MCM6: variants seen among roughly 807,000 people sequenced by gnomAD.
The protein encoded by MCM6 is minichromosome maintenance complex component 6.
A neutral mutation model predicts 94.3 loss-of-function variants in MCM6; 46 were observed. That is an observed-to-expected ratio of 0.49 (90% CI 0.39 to 0.62). The LOEUF (loss-of-function observed/expected upper bound fraction) is 0.62. MCM6 is among the 20% of genes least tolerant of loss of function. The pLI, the probability that MCM6 is intolerant of heterozygous loss-of-function variation, is 0.00. For missense variants in MCM6, 865 were observed against 1,017.9 expected (o/e 0.85, Z 2.04); for synonymous variants, 335 against 351.9 (o/e 0.95, Z 0.54).
At chr2:135,875,216 T>C (rs1039311579) in intron 1 of MCM6, among the ~76,000 whole-genome samples, 3 of 152,086 alleles carry the variant, frequency 2.0e-5, no homozygotes, top group South Asian at 2.1e-4. Context: ...AATACCAAAT[T>C]AGCCGGGCGT....
At chr2:135,853,347 G>C (rs1679811381) in intron 11 of MCM6, among the ~76,000 whole-genome samples, 1 of 152,178 alleles carries the variant, frequency 6.6e-6, no homozygotes, top group African/African-American at 2.4e-5. Flanking sequence ...AGGTGGCTGA[G>C]GCAGGAGGAT....
intron 3 of MCM6, among the ~76,000 whole-genome samples, chr2:135,869,749 C>T (rs1375297403): frequency 3.3e-5 from 5 of 152,030 alleles, no homozygotes; most frequent in Non-Finnish European, 7.4e-5. Context: ...ATATTTTCTC[C>T]CTTGATCAAT....
intron 10 of MCM6, 106 bp downstream of exon 10, chr2:135,857,791 C>A: frequency 1.2e-6 from 1 of 847,488 alleles, no homozygotes; most frequent in Non-Finnish European, 2.0e-6. Flanking sequence ...TAATGAACAG[C>A]ATTACACACT....
intron 4 of MCM6, among the ~76,000 whole-genome samples, chr2:135,867,526 AT>A (rs1440484801): frequency 6.6e-6 from 1 of 152,232 alleles, no homozygotes; most frequent in Non-Finnish European, 1.5e-5. Context: ...TATAAATAAT[AT>A]TAAATTCATC....
At chr2:135,848,521 C>A (rs1352278381) in intron 13 of MCM6, among the ~76,000 whole-genome samples, 2 of 152,148 alleles carry the variant, frequency 1.3e-5, no homozygotes, top group Non-Finnish European at 2.9e-5. Flanking sequence ...AACAATTCCA[C>A]TCCTAGGTAT....
At chr2:135,868,903 A>C in intron 3 of MCM6, 43 bp from the exon 4 acceptor site, 1 of 1,582,184 alleles carries the variant, frequency 6.3e-7, no homozygotes, top group Non-Finnish European at 8.7e-7. Flanking sequence ...TTCATCTCTT[A>C]ACTAAGAATC....
chr2:135,853,970 T>C (rs989730985), intron 11 of MCM6, among the ~76,000 whole-genome samples: 3 of 152,228 alleles, frequency 2.0e-5, no homozygotes, highest in African/African-American at 7.2e-5. Context: ...CTCATGCCTG[T>C]AATCCTAGCA....
chr2:135,868,608 T>C lies in MCM6; in HGVS notation c.615+3A>G. The C allele has an allele frequency of 6.2e-7, 1 of 1,613,662 alleles. No individual in the cohort carries two copies. Among genetic ancestry groups the C allele is most frequent in the Non-Finnish European group, 8.5e-7 (1 of 1,179,542 alleles). ...CTGATCTAAACAGATGTTAAATAAA[T>C]ACCTTTTGAAAATCAACAAATCTTG... On this transcript the variant is annotated splice_donor_region_variant and intron_variant, in intron 4 of 16. Coordinates refer to ENST00000264156, the MANE Select transcript of MCM6 (RefSeq NM_005915.6).
Position 135,858,011 on chromosome 2 carries a change from CCAAA to C in MCM6, c.1363-11_1363-8del. ...CATCAATACAACACACACCCTGTAACCAAACAAATCAAGCCTAAGAAGCTGTCTT... is the reference window on the plus strand; with the variant it reads ...CATCAATACAACACACACCCTGTAACCAAATCAAGCCTAAGAAGCTGTCTT... On this transcript the variant is annotated splice_region_variant and splice_polypyrimidine_tract_variant and intron_variant, in intron 9 of 16. Transcript: ENST00000264156. The C allele has an allele frequency of 6.2e-7, 1 of 1,611,578 alleles. No homozygotes were observed. The highest frequency in any genetic ancestry group is 8.5e-7 in the Non-Finnish European group (1 of 1,178,576).
chr2:135,856,302 G>A (rs923484775), intron 11 of MCM6, among the ~76,000 whole-genome samples: 6 of 152,206 alleles, frequency 3.9e-5, no homozygotes, highest in South Asian at 2.1e-4. Context: ...AATTAGCCAC[G>A]CATGGTGTTA....
At chr2:135,870,226 T>G (rs1680175378) in intron 3 of MCM6, 25 bp downstream of exon 3, 3 of 1,576,364 alleles carry the variant, frequency 1.9e-6, no homozygotes, top group Non-Finnish European at 2.6e-6. Flanking sequence ...GTGAATTCCT[T>G]TTTTTCCAGA....
At position 135,844,565 on chromosome 2, in the gene MCM6, T is replaced by A. The variant is rs1679636060; in HGVS notation, c.2329A>T (p.Ile777Phe). ...INKKRIIEKV[I>F]HRLTHYDHVL... ...CCTACATAGTGTGTGAGTCGATGAA[T>A]AACTTTCTCTATGATTCTTTTTTTA... is the stretch of plus-strand genomic sequence containing the variant. The change falls in exon 16 of 17, where the codon ATT becomes TTT. Residue 777 changes from isoleucine to phenylalanine, a missense_variant. Around this residue, in one of 3 missense-constraint regions of MCM6, gnomAD observed 308 missense variants for 324.5 expected, o/e 0.95. Coordinates refer to ENST00000264156, the MANE Select transcript of MCM6 (RefSeq NM_005915.6). 2 of 1,574,804 alleles carry A rather than the reference T, an allele frequency of 1.3e-6. No homozygotes were observed. The highest frequency in any genetic ancestry group is 1.7e-6 in the Non-Finnish European group (2 of 1,163,012).
chr2:135,874,132 G>A (rs1298402051), intron 1 of MCM6, among the ~76,000 whole-genome samples: 1 of 152,188 alleles, frequency 6.6e-6, no homozygotes, highest in East Asian at 1.9e-4. Context: ...GAGATTATTT[G>A]TCTCATCATT....
intron 8 of MCM6, among the ~76,000 whole-genome samples, chr2:135,861,130 AAAAG>A (rs1243077998): frequency 6.6e-6 from 1 of 152,218 alleles, no homozygotes; most frequent in African/African-American, 2.4e-5. Context: ...TGATATGTTC[AAAAG>A]AAATATTTAA....
intron 5 of MCM6, 59 bp from the exon 6 acceptor site, chr2:135,866,336 A>G: frequency 1.3e-6 from 2 of 1,585,526 alleles, no homozygotes; most frequent in Non-Finnish European, 1.7e-6. Context: ...GAACATCAAA[A>G]TTGCTCAAAT....
chr2:135,856,255 C>T (rs990175795), intron 11 of MCM6, among the ~76,000 whole-genome samples: 1 of 151,998 alleles, frequency 6.6e-6, no homozygotes, highest in Admixed American at 6.6e-5. Flanking sequence ...CCAGCCTGAC[C>T]AACATGGTGA....
chr2:135,872,892 G>C, intron 1 of MCM6, 49 bp from the exon 2 acceptor site: 1 of 1,594,422 alleles, frequency 6.3e-7, no homozygotes, highest in Non-Finnish European at 8.6e-7. Flanking sequence ...GCAGTACAAA[G>C]AACCTGAATG....
rs908253110 is a variant in MCM6, at chr2:135,852,662, A to T, written c.1755+125T>A. 4.4e-6 allele frequency: 3 copies of T among 689,114 alleles called. No homozygotes were observed. In the African/African-American group the frequency reaches 5.6e-5, roughly 13 times the overall value. The allele number at this position is 689,114 out of a possible 1,614,324, so 42.7% of individuals were successfully genotyped here. A position where few individuals can be genotyped will look rare whatever the true frequency, so the allele number is the denominator to read the frequency against. On this transcript the variant is annotated intron_variant, in intron 12 of 16. Transcript: ENST00000264156. The stretch of plus-strand genomic sequence containing the variant: ...CAAATTGCTGTTCCAGAAAAAAAAA[A>T]AAAGTTGTAAAATTTAGGAACTAAG...
At chr2:135,859,782 C>T (rs1679955645) in intron 8 of MCM6, among the ~76,000 whole-genome samples, 1 of 150,726 alleles carries the variant, frequency 6.6e-6, no homozygotes, top group South Asian at 2.1e-4. Context: ...TTTGTATTTT[C>T]AGAGTTAATA....
Sources: allele counts gnomAD v4.1 joint callset (sites outside exome capture counted in the v4.1 genomes callset), GRCh38; gene constraint gnomAD v4.1.1; regional missense constraint gnomAD v4.1.1; transcripts MANE v1.5; gene names NCBI Gene and HGNC (gene_info 2026-07-23, HGNC 2026-07-21).